The following ZNRF1 variants were observed in gnomAD, a reference collection of about 807,000 sequenced individuals.
ZNRF1 encodes the protein E3 ubiquitin-protein ligase ZNRF1.
In ZNRF1, 3 loss-of-function variants were observed where a neutral mutation model predicts 18.4. The ratio of observed to expected loss-of-function variants is 0.16; its 90% CI spans 0.07 to 0.42. ZNRF1 has a LOEUF of 0.42. Among genes scored for constraint, ZNRF1 ranks in the 10% least tolerant of loss-of-function variants. The pLI is 0.99. For missense variants in ZNRF1, 310 were observed against 329.8 expected, an observed-to-expected ratio of 0.94 and a Z score of 0.47; for synonymous variants, 157 against 144.2, an observed-to-expected ratio of 1.09 and a Z score of -0.64.
At chr16:75,054,763 C>T (rs888692574) in intron 1 of ZNRF1, among the ~76,000 whole-genome samples, 3 of 152,226 alleles carry the variant, frequency 2.0e-5, no homozygotes, top group Non-Finnish European at 4.4e-5. Flanking sequence ...ATTGGCCTTA[C>T]CTATTCACGT....
At chr16:75,062,707 T>G (rs1201006811) in intron 1 of ZNRF1, among the ~76,000 whole-genome samples, 1 of 152,192 alleles carries the variant, frequency 6.6e-6, no homozygotes, top group African/African-American at 2.4e-5. Context: ...GAGGCTCATA[T>G]GGGGTGGGGC....
At chr16:75,013,513 AT>A (rs1383735002) in intron 1 of ZNRF1, among the ~76,000 whole-genome samples, 1 of 151,840 alleles carries the variant, frequency 6.6e-6, no homozygotes, top group African/African-American at 2.4e-5. Context: ...TGCCTAGCTA[AT>A]TTTTGTATTT....
chr16:75,099,971 A>G lies in ZNRF1; in HGVS notation c.521-4813A>G, dbSNP rs372614342. 4.6e-4 allele frequency among the ~76,000 whole-genome samples: 70 copies of G among 152,226 alleles called. 2 individuals carry two copies. Among genetic ancestry groups the G allele is most frequent in the African/African-American group, 1.7e-3 (69 of 41,538 alleles). ...AGGAAGTTGTACTCAGCCCACTGCAACCTCTTGCTGGGTTTGTGTGCCTCC... is the reference window on the plus strand; with the variant it reads ...AGGAAGTTGTACTCAGCCCACTGCAGCCTCTTGCTGGGTTTGTGTGCCTCC... On this transcript the variant is annotated intron_variant, in intron 2 of 4. Transcript: ENST00000335325.
intron 1 of ZNRF1, among the ~76,000 whole-genome samples, chr16:75,003,931 T>C (rs1293052990): frequency 6.6e-6 from 1 of 151,894 alleles, no homozygotes; most frequent in African/African-American, 2.4e-5. Context: ...GGCACTCTCT[T>C]ATAGTTGTCT....
At position 75,089,745 on chromosome 16, in the gene ZNRF1, C is replaced by T. The variant is rs149938836; in HGVS notation, c.425-3827C>T. 3.1e-4 allele frequency among the ~76,000 whole-genome samples: 47 copies of T among 152,208 alleles called. 1 individual carries two copies. Among genetic ancestry groups the T allele is most frequent in the African/African-American group, 8.7e-4 (36 of 41,522 alleles). ...GGGGATTGCTCTAAACTTGAGTCTC[C>T]GCCTTTTTTTTCTAGGACATGAATG... On this transcript the variant is annotated intron_variant, in intron 1 of 4. Transcript: ENST00000335325.
At chr16:75,024,737 C>T (rs1271779419) in intron 1 of ZNRF1, among the ~76,000 whole-genome samples, 2 of 152,236 alleles carry the variant, frequency 1.3e-5, no homozygotes, top group African/African-American at 4.8e-5. Flanking sequence ...CAGAAGACAA[C>T]AGACCTTTGT....
chr16:75,091,185 C>G (rs1472373724), intron 1 of ZNRF1, among the ~76,000 whole-genome samples: 1 of 151,998 alleles, frequency 6.6e-6, no homozygotes. Context: ...GTGGCGAAAC[C>G]TAGTCTCTCC....
chr16:75,068,332 C>A (rs2035829073), intron 1 of ZNRF1, among the ~76,000 whole-genome samples: 1 of 152,048 alleles, frequency 6.6e-6, no homozygotes, highest in Non-Finnish European at 1.5e-5. Flanking sequence ...CCACTGTACT[C>A]CATCCTGGTT....
Position 75,109,882 on chromosome 16 carries a change from C to G in ZNRF1, c.*2182C>G, listed in dbSNP as rs2036361651. On this transcript the variant is annotated 3_prime_UTR_variant, in exon 5 of 5. Coordinates refer to ENST00000335325, the MANE Select transcript of ZNRF1 (RefSeq NM_032268.5). ...TATTCACAGCACCTCCTGCTTCTGCCTGGCAACTGTGTCTCCCTGTGCTAT... is the reference window on the plus strand; with the variant it reads ...TATTCACAGCACCTCCTGCTTCTGCGTGGCAACTGTGTCTCCCTGTGCTAT... 6.6e-6 allele frequency: 1 copy of G among 152,426 alleles called. No individual in the cohort carries two copies. Among genetic ancestry groups the G allele is most frequent in the Non-Finnish European group, 1.5e-5 (1 of 68,184 alleles). The allele number at this position is 152,426 out of a possible 1,614,324, so 9.4% of individuals were successfully genotyped here.
At chr16:75,041,868 C>T (rs953154121) in intron 1 of ZNRF1, among the ~76,000 whole-genome samples, 3 of 151,720 alleles carry the variant, frequency 2.0e-5, no homozygotes, top group African/African-American at 7.2e-5. Flanking sequence ...TGGTGGCAGA[C>T]GCCTATAATC....
intron 1 of ZNRF1, among the ~76,000 whole-genome samples, chr16:75,065,016 C>T (rs1451914936): frequency 6.6e-6 from 1 of 152,168 alleles, no homozygotes; most frequent in Admixed American, 6.5e-5. Context: ...CCCCACTTCA[C>T]GTGAGAGATA....
At chr16:75,089,186 T>C (rs1339227479) in intron 1 of ZNRF1, among the ~76,000 whole-genome samples, 1 of 152,076 alleles carries the variant, frequency 6.6e-6, no homozygotes, top group East Asian at 1.9e-4. Context: ...CACTGCAGCC[T>C]CAACCTCCTG....
chr16:75,034,604 C>G (rs1031504804), intron 1 of ZNRF1, among the ~76,000 whole-genome samples: 10 of 152,036 alleles, frequency 6.6e-5, no homozygotes, highest in African/African-American at 9.7e-5. Context: ...CCTTTAAGAC[C>G]CTGCTTTCCG....
chr16:75,019,125 C>T (rs1263966528), intron 1 of ZNRF1, among the ~76,000 whole-genome samples: 3 of 152,104 alleles, frequency 2.0e-5, no homozygotes, highest in Non-Finnish European at 4.4e-5. Flanking sequence ...GAGATGGTGT[C>T]ACTGCATTCC....
In ZNRF1 at chr16:75,033,991, CAA is replaced by C. The variant is rs71158573; in HGVS notation, c.424+33908_424+33909del. ...GTGAAACCCCGACTCTACTAAAATA[CAA>C]AAAAAAAAAAAGAAATTAGCCAGGT... On this transcript the variant is annotated intron_variant, in intron 1 of 4. Coordinates refer to ENST00000335325, the MANE Select transcript of ZNRF1 (RefSeq NM_032268.5). Among the ~76,000 whole-genome samples, 1,236 of 144,596 alleles carry C rather than the reference CAA, an allele frequency of 8.5e-3. 8 individuals carry two copies. Among genetic ancestry groups the C allele is most frequent in the African/African-American group, 0.025 (984 of 39,446 alleles). The allele number at this position is 144,596 out of a possible 152,430, so 94.9% of individuals were successfully genotyped here. A position where few individuals can be genotyped will look rare whatever the true frequency, so the allele number is the denominator to read the frequency against.
intron 1 of ZNRF1, among the ~76,000 whole-genome samples, chr16:75,046,141 TG>T (rs1246821968): frequency 3.9e-5 from 6 of 152,026 alleles, no homozygotes; most frequent in African/African-American, 1.5e-4. Context: ...TGACCTCAGG[TG>T]ATCTGCCTGC....
At chr16:75,058,482 G>GGA (rs779349957) in intron 1 of ZNRF1, among the ~76,000 whole-genome samples, 1 of 152,152 alleles carries the variant, frequency 6.6e-6, no homozygotes, top group Non-Finnish European at 1.5e-5. Flanking sequence ...CAGGAACTAA[G>GGA]GAGAATAACA....
intron 1 of ZNRF1, among the ~76,000 whole-genome samples, chr16:75,083,922 T>C (rs180748284): frequency 5.9e-5 from 9 of 152,316 alleles, no homozygotes; most frequent in Non-Finnish European, 1.2e-4. Context: ...CAGGACTAGC[T>C]TATACTGTCA....
intron 1 of ZNRF1, among the ~76,000 whole-genome samples, chr16:75,070,596 T>A (rs73614080): frequency 0.023 from 3,541 of 152,268 alleles, 158 homozygotes; most frequent in African/African-American, 0.082. Context: ...ATCATAAGCA[T>A]ACATCCTGAT....
Sources: allele counts gnomAD v4.1 joint callset (sites outside exome capture counted in the v4.1 genomes callset), GRCh38; gene constraint gnomAD v4.1.1; transcripts MANE v1.5; gene names NCBI Gene and HGNC (gene_info 2026-07-23, HGNC 2026-07-21).